The following ABL1 variants were observed in gnomAD, a reference collection of about 807,000 sequenced individuals.
ABL1 encodes tyrosine-protein kinase ABL1.
A neutral mutation model predicts 94.7 loss-of-function variants in ABL1; 11 were observed. The ratio of observed to expected loss-of-function variants is 0.12; its 90% CI spans 0.07 to 0.19. The LOEUF is 0.19. ABL1 is among the 10% of genes least tolerant of loss of function. ABL1 has a pLI of 1.00. For missense variants in ABL1, 1,082 were observed against 1,489.4 expected, an observed-to-expected ratio of 0.73 and a Z score of 4.50; for synonymous variants, 656 against 622.4, an observed-to-expected ratio of 1.05 and a Z score of -0.80.
intron 1 of ABL1, among the ~76,000 whole-genome samples, chr9:130,841,550 G>A (rs1454392910): frequency 1.3e-5 from 2 of 151,776 alleles, no homozygotes; most frequent in Admixed American, 1.3e-4. Flanking sequence ...GGTGGCTGAC[G>A]CCTGTAATCC....
At chr9:130,716,302 G>C (rs1244279152) in intron 1 of ABL1, among the ~76,000 whole-genome samples, 1 of 151,980 alleles carries the variant, frequency 6.6e-6, no homozygotes, top group Non-Finnish European at 1.5e-5. Context: ...TCGCCATGTT[G>C]GCCAGGCTGG....
chr9:130,794,647 G>A (rs1008883043), intron 1 of ABL1, among the ~76,000 whole-genome samples: 2 of 152,130 alleles, frequency 1.3e-5, no homozygotes, highest in African/African-American at 4.8e-5. Context: ...TATTGGGTGA[G>A]ACATTGGGAA....
At chr9:130,730,769 A>C (rs950268339) in intron 1 of ABL1, among the ~76,000 whole-genome samples, 1 of 150,876 alleles carries the variant, frequency 6.6e-6, no homozygotes, top group Non-Finnish European at 1.5e-5. Context: ...TTGGGGTTTT[A>C]CCATGTGGCC....
At chr9:130,745,743 T>C (rs1219432587) in intron 1 of ABL1, among the ~76,000 whole-genome samples, 2 of 152,124 alleles carry the variant, frequency 1.3e-5, no homozygotes, top group African/African-American at 4.8e-5. Flanking sequence ...ATTTTTTTAA[T>C]CTCATGAACT....
At position 130,860,112 on chromosome 9, in the gene ABL1, A is replaced by G. The variant is rs139997104; in HGVS notation, c.550-2651A>G. Reference sequence around the variant, plus strand: ...TGCATAGCGTAATGACATGCCATTCATGACACTACTTTCTTCCCTGAACAT... The same window carrying G: ...TGCATAGCGTAATGACATGCCATTCGTGACACTACTTTCTTCCCTGAACAT... On this transcript the variant is annotated intron_variant, in intron 3 of 10. Coordinates refer to ENST00000318560, the MANE Select transcript of ABL1 (RefSeq NM_005157.6). Among the ~76,000 whole-genome samples, 527 of 152,186 alleles carry G rather than the reference A, an allele frequency of 3.5e-3. 4 individuals carry two copies. Among genetic ancestry groups the G allele is most frequent in the African/African-American group, 0.012 (499 of 41,472 alleles).
intron 6 of ABL1, among the ~76,000 whole-genome samples, chr9:130,874,646 G>A (rs1280324807): frequency 6.6e-6 from 1 of 152,220 alleles, no homozygotes; most frequent in East Asian, 1.9e-4. Flanking sequence ...CATGAGGCCA[G>A]GGAGCCCGCT....
rs558401425 is a variant in ABL1 at position 130,884,030 on chromosome 9, G to A, written c.1740G>A (p.Pro580=). The change falls in exon 11 of 11, where the codon CCG becomes CCA. Residue 580 remains proline, a synonymous_variant. Transcript: ENST00000318560. This position sits in a 1 kb window ranked among gnomAD's most constrained non-coding sequence, Gnocchi z 5.6. The stretch of plus-strand genomic sequence containing the variant: ...TCCCTCGAAAAGAGCGAGGTCCCCC[G>A]GAGGGCGGCCTGAATGAAGATGAGC... The part of the protein sequence containing the change: ...PLLPRKERGP[P]EGGLNEDERL... The A allele has an allele frequency of 2.5e-5, 40 of 1,613,858 alleles. No individual in the cohort carries two copies. The highest frequency in any genetic ancestry group is 1.1e-4 in the South Asian group (10 of 91,080).
chr9:130,840,687 T>C (rs990501782), intron 1 of ABL1, among the ~76,000 whole-genome samples: 5 of 152,284 alleles, frequency 3.3e-5, no homozygotes. Context: ...CTATCTCTTT[T>C]TTAATTAAAA....
At chr9:130,797,255 A>G in intron 1 of ABL1, among the ~76,000 whole-genome samples, 3 of 142,936 alleles carry the variant, frequency 2.1e-5, no homozygotes, top group South Asian at 2.2e-4. Flanking sequence ...AAAAAAAAAA[A>G]AAAAAAAAAA....
chr9:130,866,334 T>G (rs1314435834), intron 4 of ABL1, among the ~76,000 whole-genome samples: 3 of 152,118 alleles, frequency 2.0e-5, no homozygotes, highest in African/African-American at 7.2e-5. Context: ...TAAGCCACAG[T>G]TATGCCTTTT....
At chr9:130,737,561 AC>A (rs1831759893) in intron 1 of ABL1, among the ~76,000 whole-genome samples, 1 of 152,020 alleles carries the variant, frequency 6.6e-6, no homozygotes, top group Non-Finnish European at 1.5e-5. Flanking sequence ...GAGCCACCAC[AC>A]CCAGCCACCT....
chr9:130,730,216 G>A (rs1831646363), intron 1 of ABL1, among the ~76,000 whole-genome samples: 1 of 151,696 alleles, frequency 6.6e-6, no homozygotes, highest in South Asian at 2.1e-4. Context: ...CTAATTTTGT[G>A]TTTTTAGTAG....
intron 1 of ABL1, among the ~76,000 whole-genome samples, chr9:130,828,745 C>T (rs1830458912): frequency 6.6e-6 from 1 of 151,830 alleles, no homozygotes; most frequent in African/African-American, 2.4e-5. Context: ...AAACTCAATC[C>T]CAGGGCTTTA....
chr9:130,795,276 G>C (rs1564291899), intron 1 of ABL1, among the ~76,000 whole-genome samples: 1 of 152,208 alleles, frequency 6.6e-6, no homozygotes, highest in Admixed American at 6.5e-5. Context: ...TTCCACTTCA[G>C]ATGGCACTGA....
chr9:130,714,761 G>A (rs1488813377), intron 1 of ABL1, among the ~76,000 whole-genome samples: 1 of 152,168 alleles, frequency 6.6e-6, no homozygotes, highest in Admixed American at 6.6e-5. Context: ...GGACTTCAGT[G>A]GTTTCTTAGG....
chr9:130,849,907 G>A (rs1830829979), intron 1 of ABL1, among the ~76,000 whole-genome samples: 1 of 152,094 alleles, frequency 6.6e-6, no homozygotes, highest in African/African-American at 2.4e-5. Context: ...TTTCTTGTTG[G>A]TATGTAAAGT....
intron 1 of ABL1, among the ~76,000 whole-genome samples, chr9:130,805,444 GTTTTTC>G (rs747435376): frequency 6.6e-5 from 10 of 152,170 alleles, no homozygotes; most frequent in Non-Finnish European, 1.0e-4. Flanking sequence ...GGCCTAGAAA[GTTTTTC>G]TTTTTCTTAC....
intron 3 of ABL1, among the ~76,000 whole-genome samples, chr9:130,856,388 G>A (rs760688283): frequency 2.0e-5 from 3 of 152,090 alleles, no homozygotes; most frequent in Non-Finnish European, 4.4e-5. Context: ...ACGCCTGGCC[G>A]TTTTTGTATT....
At chr9:130,861,491 G>A (rs180841612) in intron 3 of ABL1, among the ~76,000 whole-genome samples, 7 of 152,234 alleles carry the variant, frequency 4.6e-5, no homozygotes, top group Admixed American at 1.3e-4. Context: ...TATAGTAATG[G>A]TGCCTGACAT....
Sources: gnomAD v4.1 joint callset for allele counts (sites outside exome capture counted in the v4.1 genomes callset) on GRCh38, gnomAD v4.1.1 for gene constraint, Gnocchi (gnomAD v3.1) non-coding constraint, MANE v1.5 for transcripts, NCBI Gene and HGNC (gene_info 2026-07-23, HGNC 2026-07-21) for gene names.